CCDC92B: variants seen among roughly 807,000 people sequenced by gnomAD.
CCDC92B encodes the protein coiled-coil domain containing 92B.
A neutral mutation model predicts 5.6 loss-of-function variants in CCDC92B; 2 were observed. The ratio of observed to expected loss-of-function variants is 0.36; its 90% CI spans 0.15 to 1.12. CCDC92B has a LOEUF of 1.12. CCDC92B is among the 50% of genes most tolerant of loss of function. The pLI is 0.40. For missense variants in CCDC92B, 271 were observed against 262.2 expected, an observed-to-expected ratio of 1.03 and a Z score of -0.23; for synonymous variants, 115 against 122.3, an observed-to-expected ratio of 0.94 and a Z score of 0.39.
chr17:2,742,736 C>T (rs1381687837), intron 1 of CCDC92B, among the ~76,000 whole-genome samples: 1 of 152,146 alleles, frequency 6.6e-6, no homozygotes, highest in East Asian at 1.9e-4. Flanking sequence ...GATGACCTAA[C>T]ACCTCCATTT....
chr17:2,729,876 A>G (rs78235803), intron 3 of CCDC92B, among the ~76,000 whole-genome samples: 68 of 152,258 alleles, frequency 4.5e-4, no homozygotes, highest in African/African-American at 1.5e-3. Context: ...AAAATGCAGG[A>G]TTTACTAATG....
Position 2,737,376 on chromosome 17 carries a change from T to C in CCDC92B, c.-23-2208A>G, listed in dbSNP as rs542384730. Among the ~76,000 whole-genome samples the C allele has an allele frequency of 1.0e-3, 154 of 151,618 alleles. 1 individual carries two copies. The highest frequency in any genetic ancestry group is 1.1e-3 in the Non-Finnish European group (73 of 67,900). On this transcript the variant is annotated intron_variant, in intron 1 of 3. Coordinates refer to ENST00000614400, the MANE Select transcript of CCDC92B (RefSeq NM_001355573.2). ...TGGGGTTACATCGAGCAGGTCCCCCTGAGAACTCCAATCCTCAGGGCACTC... is the reference window on the plus strand; with the variant it reads ...TGGGGTTACATCGAGCAGGTCCCCCCGAGAACTCCAATCCTCAGGGCACTC...
At chr17:2,732,741 C>T (rs898314382) in intron 2 of CCDC92B, among the ~76,000 whole-genome samples, 24 of 146,812 alleles carry the variant, frequency 1.6e-4, no homozygotes, top group African/African-American at 5.8e-4. Flanking sequence ...AGGCCAGGCA[C>T]GGTGGCTCAC....
chr17:2,743,288 G>A (rs955688988), intron 1 of CCDC92B, among the ~76,000 whole-genome samples: 7 of 152,082 alleles, frequency 4.6e-5, no homozygotes, highest in Admixed American at 2.6e-4. Context: ...AAAATTAGCC[G>A]GGCATAGTGG....
intron 1 of CCDC92B, among the ~76,000 whole-genome samples, chr17:2,737,607 G>T (rs2070871566): frequency 6.6e-6 from 1 of 151,076 alleles, no homozygotes; most frequent in Non-Finnish European, 1.5e-5. Context: ...GAGTAGCTGG[G>T]ACTACAGGCG....
At chr17:2,733,031 AAAAT>A (rs35413178) in intron 2 of CCDC92B, among the ~76,000 whole-genome samples, 57,728 of 144,004 alleles carry the variant, frequency 0.4, 12,733 homozygotes, top group Non-Finnish European at 0.49. Context: ...TAAATAAATA[AAAAT>A]AAATAAATAA....
In CCDC92B at chr17:2,724,869, T is replaced by C; in HGVS notation, c.310A>G (p.Ser104Gly). ...REALVSALRC[S>G]LRTEERRFLE... is the part of the protein sequence containing the mutation. ...AAGCGGCGCTCCTCGGTGCGCAGGC[T>C]GCAGCGCAGCGCGGACACCAGCGCC... Residue 104 changes from serine to glycine, a missense_variant, in exon 4 of 4, where the codon AGC becomes GGC. Physicochemically the swap from Ser to Gly is moderately conservative, Grantham distance 56. Transcript: ENST00000614400. The surrounding 1 kb of genome is among the most constrained non-coding windows in gnomAD (Gnocchi z 5.0). The C allele has an allele frequency of 1.0e-6, 1 of 985,096 alleles. No homozygotes were observed. Among genetic ancestry groups the C allele is most frequent in the Non-Finnish European group, 1.2e-6 (1 of 829,776 alleles). 61.0% of individuals were successfully genotyped at this position (985,096 alleles called of 1,614,324 possible).
intron 3 of CCDC92B, among the ~76,000 whole-genome samples, chr17:2,726,188 T>G (rs201708741): frequency 1.4e-5 from 2 of 146,998 alleles, no homozygotes; most frequent in Admixed American, 1.4e-4. Flanking sequence ...ATATATTTTT[T>G]TTTTTTTGAG....
intron 1 of CCDC92B, among the ~76,000 whole-genome samples, chr17:2,738,374 T>C (rs780881823): frequency 1.3e-5 from 2 of 152,006 alleles, no homozygotes; most frequent in African/African-American, 4.8e-5. Flanking sequence ...TGTGAGACTT[T>C]TGGCAAGAAA....
chr17:2,735,401 G>A (rs1282048212), intron 1 of CCDC92B, among the ~76,000 whole-genome samples: 2 of 152,282 alleles, frequency 1.3e-5, no homozygotes, highest in East Asian at 3.9e-4. Flanking sequence ...GGCCCAGAGG[G>A]CAATGGCTTC....
At position 2,722,609 on chromosome 17, in the gene CCDC92B, G is replaced by A. The variant is rs895221633; in HGVS notation, c.*1802C>T. On this transcript the variant is annotated 3_prime_UTR_variant, in exon 4 of 4. Coordinates refer to ENST00000614400, the MANE Select transcript of CCDC92B (RefSeq NM_001355573.2). ...CAACAAATGGAGAGAAAGGGGGTGT[G>A]ATCTGGGACTCCCCCTTCTTCATGG... The A allele has an allele frequency of 1.3e-5, 2 of 152,266 alleles. No homozygotes were observed. Among genetic ancestry groups the A allele is most frequent in the African/African-American group, 4.8e-5 (2 of 41,440 alleles). 9.4% of individuals were successfully genotyped at this position (152,266 alleles called of 1,614,324 possible). A position where few individuals can be genotyped will look rare whatever the true frequency, so the allele number is the denominator to read the frequency against.
chr17:2,732,507 A>C (rs2070804706), intron 2 of CCDC92B, among the ~76,000 whole-genome samples: 1 of 152,050 alleles, frequency 6.6e-6, no homozygotes, highest in Non-Finnish European at 1.5e-5. Flanking sequence ...ATCTGAGGTC[A>C]GGAGTTTGAG....
At chr17:2,731,695 A>G (rs1198802822) in intron 2 of CCDC92B, among the ~76,000 whole-genome samples, 1 of 152,096 alleles carries the variant, frequency 6.6e-6, no homozygotes, top group Non-Finnish European at 1.5e-5. Context: ...TTCTGCTGTT[A>G]CCAGAGTCTG....
intron 3 of CCDC92B, among the ~76,000 whole-genome samples, chr17:2,726,271 G>A (rs1409238880): frequency 5.3e-5 from 8 of 151,396 alleles, no homozygotes; most frequent in East Asian, 3.9e-4. Flanking sequence ...TCCACCTCCC[G>A]GGTTCAAGCC....
intron 2 of CCDC92B, among the ~76,000 whole-genome samples, chr17:2,732,555 A>G (rs2151740122): frequency 6.6e-6 from 1 of 152,022 alleles, no homozygotes; most frequent in South Asian, 2.1e-4. Context: ...CATCTCTACT[A>G]AAAATACAAA....
chr17:2,740,464 C>G (rs149066046), intron 1 of CCDC92B, among the ~76,000 whole-genome samples: 1 of 151,930 alleles, frequency 6.6e-6, no homozygotes, highest in Non-Finnish European at 1.5e-5. Context: ...GAGATCGAGA[C>G]CAGCCTGGCC....
intron 1 of CCDC92B, among the ~76,000 whole-genome samples, chr17:2,739,669 A>G (rs927987778): frequency 2.6e-5 from 4 of 152,056 alleles, no homozygotes; most frequent in Admixed American, 6.6e-5. Flanking sequence ...GCTACAGAGC[A>G]AGACTCGTCT....
At chr17:2,736,151 C>T (rs1483574058) in intron 1 of CCDC92B, among the ~76,000 whole-genome samples, 13 of 152,180 alleles carry the variant, frequency 8.5e-5, no homozygotes, top group Admixed American at 2.6e-4. Context: ...AAAGGCGGGC[C>T]GGGCGCGGTG....
intron 3 of CCDC92B, among the ~76,000 whole-genome samples, chr17:2,729,344 T>A (rs2070769542): frequency 6.6e-6 from 1 of 151,944 alleles, no homozygotes; most frequent in South Asian, 2.1e-4. Context: ...ATACAAAAAA[T>A]TAGCCGGTGG....
Sources: allele counts gnomAD v4.1 joint callset (sites outside exome capture counted in the v4.1 genomes callset), GRCh38; gene constraint gnomAD v4.1.1; non-coding constraint Gnocchi (gnomAD v3.1); transcripts MANE v1.5; gene names NCBI Gene and HGNC (gene_info 2026-07-23, HGNC 2026-07-21).